Variants in PIK3R4 observed in about 807,000 individuals in gnomAD.
PIK3R4 encodes the protein phosphoinositide 3-kinase regulatory subunit 4.
A neutral mutation model predicts 136.5 loss-of-function variants in PIK3R4; 46 were observed. That is an observed-to-expected ratio of 0.34 (90% CI 0.27 to 0.43). The LOEUF (loss-of-function observed/expected upper bound fraction) is 0.43. PIK3R4 is among the 20% of genes least tolerant of loss of function. The pLI, the probability that PIK3R4 is intolerant of heterozygous loss-of-function variation, is 1.00. For synonymous variants in PIK3R4, 557 were observed against 566.7 expected (o/e 0.98, Z 0.24); for missense variants, 1,331 against 1,649.5 (o/e 0.81, Z 3.35).
Position 130,723,479 on chromosome 3 carries a change from A to C in PIK3R4, c.1916T>G (p.Leu639Arg). 6.2e-7 allele frequency: 1 copy of C among 1,613,878 alleles called. No homozygotes were observed. Among genetic ancestry groups the C allele is most frequent in the East Asian group, 2.2e-5 (1 of 44,852 alleles). ...CAGTCCTAACTGGCACATACAAGTA[A>C]GGGCATAAAGAGCTTTCACAATGAC... ...EFVIVKALYA[L>R]TCMCQLGLLQ... Residue 639 changes from leucine to arginine, a missense_variant, in exon 7 of 20, where the codon CTT becomes CGT. Leu to Arg is a moderately radical substitution (Grantham distance 102). Around this residue, in one of 2 missense-constraint regions of PIK3R4, gnomAD observed 1,180 missense variants for 1,407.0 expected, o/e 0.84. Transcript: ENST00000356763.
intron 9 of PIK3R4, among the ~76,000 whole-genome samples, chr3:130,710,510 T>C (rs1035475708): frequency 2.6e-5 from 4 of 152,082 alleles, no homozygotes; most frequent in African/African-American, 9.7e-5. Flanking sequence ...CCCTCTGATA[T>C]GAGAAACAAG....
chr3:130,681,790 C>T (rs758372600), intron 16 of PIK3R4, among the ~76,000 whole-genome samples, 199 bp from the exon 17 acceptor site: 14 of 152,064 alleles, frequency 9.2e-5, no homozygotes, highest in African/African-American at 2.2e-4. Flanking sequence ...CTAGTCACTG[C>T]GCTAGGCACT....
At chr3:130,706,371 T>A (rs2066606206) in intron 11 of PIK3R4, among the ~76,000 whole-genome samples, 1 of 152,244 alleles carries the variant, frequency 6.6e-6, no homozygotes, top group Non-Finnish European at 1.5e-5. Context: ...TAATAAAGTG[T>A]TGAATATCTC....
At chr3:130,686,711 T>TA (rs2066493033) in intron 14 of PIK3R4, among the ~76,000 whole-genome samples, 1 of 152,142 alleles carries the variant, frequency 6.6e-6, no homozygotes, top group Admixed American at 6.6e-5. Context: ...TACTAGTAAT[T>TA]AGAGTACAGA....
At chr3:130,681,993 T>C (rs1448473642) in intron 16 of PIK3R4, among the ~76,000 whole-genome samples, 1 of 152,164 alleles carries the variant, frequency 6.6e-6, no homozygotes, top group Non-Finnish European at 1.5e-5. Context: ...CTGGTCATTT[T>C]CCATTTGCTG....
chr3:130,699,338 AC>A (rs1425707440), intron 13 of PIK3R4, among the ~76,000 whole-genome samples: 3 of 152,146 alleles, frequency 2.0e-5, no homozygotes, highest in Non-Finnish European at 2.9e-5. Context: ...TGAAAACAGA[AC>A]TTTTCAGCCA....
intron 16 of PIK3R4, 140 bp from the exon 17 acceptor site, chr3:130,681,731 TAA>T: frequency 1.7e-6 from 1 of 572,258 alleles, no homozygotes; most frequent in East Asian, 3.0e-5. Flanking sequence ...AATATTCACT[TAA>T]TAATATTTAC....
At chr3:130,712,160 T>C (rs768855204) in intron 9 of PIK3R4, among the ~76,000 whole-genome samples, 1 of 152,126 alleles carries the variant, frequency 6.6e-6, no homozygotes, top group Non-Finnish European at 1.5e-5. Flanking sequence ...GTATGTTAAG[T>C]CTATTAACTG....
intron 2 of PIK3R4, 103 bp downstream of exon 2, chr3:130,744,383 A>G: frequency 7.8e-7 from 1 of 1,277,554 alleles, no homozygotes; most frequent in South Asian, 1.5e-5. Context: ...ACAAACCAAG[A>G]CATTAACTTT....
Position 130,683,404 on chromosome 3 carries a change from T to C in PIK3R4, c.3607+846A>G, listed in dbSNP as rs1025720210. On this transcript the variant is annotated intron_variant, in intron 16 of 19. Transcript: ENST00000356763. ...GACTGGGTCCTGAGGCAGGCCACAA[T>C]TTAAAAGCCAGGAAGATGAGAAGGA... Among the ~76,000 whole-genome samples, 6 of 152,210 alleles carry C rather than the reference T, an allele frequency of 3.9e-5. No individual in the cohort carries two copies. The East Asian group carries it at 1.2e-3, about 29-fold the overall frequency.
chr3:130,745,814 G>A (rs2066849694), intron 1 of PIK3R4, among the ~76,000 whole-genome samples: 1 of 152,118 alleles, frequency 6.6e-6, no homozygotes, highest in African/African-American at 2.4e-5. Flanking sequence ...ACGAGGTCAG[G>A]AGCTCAAGAC....
intron 13 of PIK3R4, among the ~76,000 whole-genome samples, chr3:130,692,897 A>C (rs2066526736): frequency 6.6e-6 from 1 of 152,324 alleles, no homozygotes; most frequent in Non-Finnish European, 1.5e-5. Context: ...GGGTTTACAA[A>C]GTCACCACAT....
Position 130,718,476 on chromosome 3 carries a change from T to C in PIK3R4, c.2040A>G (p.Thr680=). ...CTGTACTTATTTGACGAGCTACCAC[T>C]GTGATAAATCCCACGGCACCATAAC... ...WIRYGAVGFI[T]VVARQISTAD... The change falls in exon 8 of 20, where the codon ACA becomes ACG. Residue 680 remains threonine (T), a synonymous_variant. Transcript: ENST00000356763. The C allele has an allele frequency of 3.1e-6, 5 of 1,613,856 alleles. No homozygotes were observed. The highest frequency in any genetic ancestry group is 4.2e-6 in the Non-Finnish European group (5 of 1,179,810).
intron 8 of PIK3R4, among the ~76,000 whole-genome samples, chr3:130,717,459 A>C (rs1208603761): frequency 2.0e-5 from 3 of 152,166 alleles, no homozygotes; most frequent in African/African-American, 7.2e-5. Context: ...AGGAAGCATA[A>C]ACTTTTCTAA....
chr3:130,708,525 A>C, intron 9 of PIK3R4, 33 bp from the exon 10 acceptor site: 1 of 1,552,416 alleles, frequency 6.4e-7, no homozygotes, highest in East Asian at 2.3e-5. Flanking sequence ...GTTCTAGTTT[A>C]TTTTCACAAA....
intron 6 of PIK3R4, among the ~76,000 whole-genome samples, chr3:130,726,719 T>C (rs549701346): frequency 1.1e-4 from 16 of 152,132 alleles, no homozygotes; most frequent in South Asian, 4.1e-4. Context: ...CCAAAAGTAA[T>C]ATAAGCATAT....
chr3:130,736,983 CA>C (rs2066789546), intron 2 of PIK3R4, among the ~76,000 whole-genome samples: 1 of 152,156 alleles, frequency 6.6e-6, no homozygotes, highest in Non-Finnish European at 1.5e-5. Context: ...TCCACATTTC[CA>C]AAAGGACAAC....
intron 13 of PIK3R4, among the ~76,000 whole-genome samples, chr3:130,700,466 T>A (rs1436540288): frequency 6.6e-6 from 1 of 152,178 alleles, no homozygotes; most frequent in Non-Finnish European, 1.5e-5. Flanking sequence ...TAGAATACTA[T>A]AAACAAATAA....
intron 2 of PIK3R4, among the ~76,000 whole-genome samples, chr3:130,742,800 T>C (rs566071812): frequency 1.3e-5 from 2 of 152,352 alleles, no homozygotes; most frequent in Non-Finnish European, 2.9e-5. Flanking sequence ...ATGGCACCGA[T>C]GCCAGATTTC....
Sources: allele counts gnomAD v4.1 joint callset (sites outside exome capture counted in the v4.1 genomes callset), GRCh38; gene constraint gnomAD v4.1.1; regional missense constraint gnomAD v4.1.1; transcripts MANE v1.5; gene names NCBI Gene and HGNC (gene_info 2026-07-23, HGNC 2026-07-21).